The following ATP11B variants were observed in gnomAD, a reference collection of about 807,000 sequenced individuals.
ATP11B encodes ATPase phospholipid transporting 11B (putative).
In ATP11B, 81 loss-of-function variants were observed where a neutral mutation model predicts 157.8. The observed-to-expected ratio is 0.51, with a 90% CI of 0.43 to 0.62. The LOEUF is 0.62. Ranked by LOEUF, ATP11B falls within the 20% of genes least tolerant of loss-of-function variation. The pLI is 0.00. For missense variants in ATP11B, 1,165 were observed against 1,402.2 expected, an observed-to-expected ratio of 0.83 and a Z score of 2.70; for synonymous variants, 451 against 469.4, an observed-to-expected ratio of 0.96 and a Z score of 0.51.
At chr3:182,883,248 T>C (rs1330990709) in intron 21 of ATP11B, among the ~76,000 whole-genome samples, 1 of 151,076 alleles carries the variant, frequency 6.6e-6, no homozygotes, top group African/African-American at 2.5e-5. Flanking sequence ...CAAAAGCAAG[T>C]TGTAAAACAA....
intron 28 of ATP11B, among the ~76,000 whole-genome samples, chr3:182,899,379 C>A (rs113155017): frequency 6.6e-6 from 1 of 151,822 alleles, no homozygotes; most frequent in Non-Finnish European, 1.5e-5. Flanking sequence ...TCTCGATCCC[C>A]TGACCTCATG....
At chr3:182,813,976 T>C (rs987533598) in intron 1 of ATP11B, among the ~76,000 whole-genome samples, 18 of 152,344 alleles carry the variant, frequency 1.2e-4, no homozygotes, top group African/African-American at 4.3e-4. Flanking sequence ...TCCACCTGCC[T>C]TGGCCTCCCA....
At position 182,828,165 on chromosome 3, in the gene ATP11B, A is replaced by G; in HGVS notation, c.190A>G (p.Arg64Gly). 1 of 1,515,502 alleles carries G rather than the reference A, an allele frequency of 6.6e-7. No homozygotes were observed. The highest frequency in any genetic ancestry group is 8.9e-7 in the Non-Finnish European group (1 of 1,121,978). 93.9% of individuals were successfully genotyped at this position (1,515,502 alleles called of 1,614,324 possible). The change falls in exon 3 of 30, where the codon AGA becomes GGA. Residue 64 changes from arginine to glycine, a missense_variant. Coordinates refer to ENST00000323116, the MANE Select transcript of ATP11B (RefSeq NM_014616.3). ...TCCAAAAAATTTATTTGAACAGTTC[A>G]GAAGAGTGGCAAACTTTTATTTTCT... ...FVPKNLFEQF[R>G]RVANFYFLII... is the part of the protein sequence containing the mutation.
intron 1 of ATP11B, among the ~76,000 whole-genome samples, chr3:182,810,646 A>G (rs1716606683): frequency 6.6e-6 from 1 of 152,018 alleles, no homozygotes; most frequent in Non-Finnish European, 1.5e-5. Flanking sequence ...CTTTGACCTC[A>G]GTGCGTTTTT....
Position 182,836,107 on chromosome 3 carries a change from G to T in ATP11B, c.388G>T (p.Gly130Cys), listed in dbSNP as rs1173915923. The T allele has an allele frequency of 6.2e-7, 1 of 1,613,550 alleles. No individual in the cohort carries two copies. The highest frequency in any genetic ancestry group is 1.1e-5 in the South Asian group (1 of 91,024). ...AGCTCCTGTTTATGTTGTTCGAAGT[G>T]GTGGCCTTGTAAAAACTAGATCAAA... is the stretch of plus-strand genomic sequence containing the variant. ...NGAPVYVVRS[G>C]GLVKTRSKNI... Residue 130 changes from glycine to cysteine, a missense_variant, in exon 5 of 30, where the codon GGT becomes TGT. Physicochemically the swap from Gly to Cys is radical, Grantham distance 159 (BLOSUM62 -3). This residue lies in a region of ATP11B where 34 missense variants were observed against 79.6 expected (regional missense o/e 0.43). Transcript: ENST00000323116.
At position 182,845,458 on chromosome 3, in the gene ATP11B, A is replaced by C. The variant is rs1467367584; in HGVS notation, c.705A>C (p.Arg235Ser). 6.3e-7 allele frequency: 1 copy of C among 1,590,362 alleles called. No homozygotes were observed. The highest frequency in any genetic ancestry group is 1.7e-4 in the Middle Eastern group (1 of 6,004). ...TATGGTTATTTTCTTTTTTTCCTAG[A>C]CCTCTGGGGCCGGAGAGTCTCCTGC... The part of the protein sequence containing the change: ...IITQQMEEIV[R>S]PLGPESLLLR... The change falls in exon 9 of 30, where the codon AGA (arginine) becomes AGC (serine). Residue 235 changes from arginine to serine, a missense_variant and splice_region_variant. This residue lies in a region of ATP11B where 737 missense variants were observed against 930.5 expected (regional missense o/e 0.79). Coordinates refer to ENST00000323116, the MANE Select transcript of ATP11B (RefSeq NM_014616.3).
In ATP11B at chr3:182,897,354, G is replaced by T. The variant is rs751980877; in HGVS notation, c.3100G>T (p.Gly1034Ter). 2 of 1,589,424 alleles carry T rather than the reference G, an allele frequency of 1.3e-6. No individual in the cohort carries two copies. Among genetic ancestry groups the T allele is most frequent in the African/African-American group, 1.4e-5 (1 of 73,280 alleles). The change falls in exon 27 of 30, where the codon GGA becomes TGA. Residue 1034 changes from glycine to a stop codon, truncating the protein, a stop_gained. Transcript: ENST00000323116. LOFTEE classifies it high-confidence loss of function. ...WTWINHLVTW[G>*]SIIFYFVFSL... ...TTGGATCAACCATCTCGTTACCTGG[G>T]GATCTATTATATTTTATTTTGTATT...
Position 182,824,477 on chromosome 3 carries a change from A to G in ATP11B, c.145-3643A>G, listed in dbSNP as rs1056901620. On this transcript the variant is annotated intron_variant, in intron 2 of 29. Coordinates refer to ENST00000323116, the MANE Select transcript of ATP11B (RefSeq NM_014616.3). ...GAAATTAAACTCTCTTCCCGTTTCC[A>G]TCTATATTTTGGACATTTTCCAGTA... Among the ~76,000 whole-genome samples the G allele has an allele frequency of 2.6e-5, 4 of 152,164 alleles. 1 individual carries two copies. The highest frequency in any genetic ancestry group is 1.9e-4 in the East Asian group (1 of 5,202).
intron 1 of ATP11B, among the ~76,000 whole-genome samples, chr3:182,810,650 C>T (rs1348640671): frequency 2.0e-5 from 3 of 152,064 alleles, no homozygotes; most frequent in Admixed American, 6.6e-5. Flanking sequence ...GACCTCAGTG[C>T]GTTTTTTGTG....
rs572472437 is a variant in ATP11B, at chr3:182,906,730, G to A, written c.3319-7131G>A. ...CCTCCCAAAGTGCTGGGATATAGGCGTGAACCCCCACACCTGGCTCATAAA... is the reference window on the plus strand; with the variant it reads ...CCTCCCAAAGTGCTGGGATATAGGCATGAACCCCCACACCTGGCTCATAAA... On this transcript the variant is annotated intron_variant, in intron 28 of 29. Transcript: ENST00000323116. 4.2e-4 allele frequency among the ~76,000 whole-genome samples: 64 copies of A among 151,364 alleles called. 1 individual carries two copies. The South Asian group carries it at 6.1e-3, about 14-fold the overall frequency.
chr3:182,907,135 G>A (rs1201350161), intron 28 of ATP11B, among the ~76,000 whole-genome samples: 3 of 151,980 alleles, frequency 2.0e-5, no homozygotes, highest in South Asian at 2.1e-4. Context: ...ATGAGAGCTT[G>A]ATTTTCTCTT....
chr3:182,855,750 T>TC (rs1720346545), intron 10 of ATP11B, among the ~76,000 whole-genome samples: 1 of 152,122 alleles, frequency 6.6e-6, no homozygotes, highest in Non-Finnish European at 1.5e-5. Context: ...AATACATATT[T>TC]CACCAGAGAA....
At chr3:182,876,698 A>G (rs1722067481) in intron 19 of ATP11B, among the ~76,000 whole-genome samples, 1 of 152,214 alleles carries the variant, frequency 6.6e-6, no homozygotes, top group African/African-American at 2.4e-5. Context: ...ACGAAAGGCA[A>G]GAGAGGGCAA....
chr3:182,836,563 AC>A, intron 6 of ATP11B, 93 bp downstream of exon 6: 1 of 1,481,304 alleles, frequency 6.8e-7, no homozygotes, highest in Non-Finnish European at 9.2e-7. Flanking sequence ...GTAAAGTTTG[AC>A]CAGATTAAGG....
rs373270224 is a variant in ATP11B at position 182,843,620 on chromosome 3, G to A, written c.704+1498G>A. 1.4e-4 allele frequency: 22 copies of A among 152,142 alleles called. 1 individual carries two copies. The highest frequency in any genetic ancestry group is 1.4e-3 in the Admixed American group (21 of 15,276). The allele number at this position is 152,142 out of a possible 1,614,324, so 9.4% of individuals were successfully genotyped here. A position where few individuals can be genotyped will look rare whatever the true frequency, so the allele number is the denominator to read the frequency against. On this transcript the variant is annotated intron_variant, in intron 8 of 29. Transcript: ENST00000323116. ...TTAATGAATGGCTCCTAAATGAAAGGCTTTGTGTCAGTTCAAAGACATGCT... is the reference window on the plus strand; with the variant it reads ...TTAATGAATGGCTCCTAAATGAAAGACTTTGTGTCAGTTCAAAGACATGCT...
chr3:182,844,123 A>G (rs1189444517), intron 8 of ATP11B: 1 of 152,178 alleles, frequency 6.6e-6, no homozygotes, highest in African/African-American at 2.4e-5. Context: ...ACCTGACCAA[A>G]CTGATGAATT....
At chr3:182,801,367 G>A (rs1338995838) in intron 1 of ATP11B, among the ~76,000 whole-genome samples, 2 of 152,116 alleles carry the variant, frequency 1.3e-5, no homozygotes, top group Non-Finnish European at 2.9e-5. Context: ...GAAAAGTTAG[G>A]AACAGAAACA....
intron 10 of ATP11B, among the ~76,000 whole-genome samples, chr3:182,854,970 C>T (rs749764491): frequency 4.6e-5 from 7 of 152,044 alleles, no homozygotes; most frequent in South Asian, 2.1e-4. Context: ...TTGAAAGATT[C>T]GTACGGTAAA....
At chr3:182,881,147 A>G (rs1268907454) in intron 21 of ATP11B, among the ~76,000 whole-genome samples, 166 bp downstream of exon 21, 1 of 152,212 alleles carries the variant, frequency 6.6e-6, no homozygotes, top group Non-Finnish European at 1.5e-5. Context: ...GAAACTTACT[A>G]TAATTAGGCC....
Sources: allele counts gnomAD v4.1 joint callset (sites outside exome capture counted in the v4.1 genomes callset), GRCh38; gene constraint gnomAD v4.1.1; regional missense constraint gnomAD v4.1.1; transcripts MANE v1.5; gene names NCBI Gene and HGNC (gene_info 2026-07-23, HGNC 2026-07-21).